The following HIP1 variants were observed in gnomAD, a reference collection of about 807,000 sequenced individuals.
HIP1 encodes the protein huntingtin interacting protein 1.
In HIP1, 65 loss-of-function variants were observed where a neutral mutation model predicts 147.6. The ratio of observed to expected loss-of-function variants is 0.44; its 90% CI spans 0.36 to 0.54. The LOEUF is 0.54. Ranked by LOEUF, HIP1 falls within the 20% of genes least tolerant of loss-of-function variation. The pLI is 0.00. For synonymous variants in HIP1, 479 were observed against 504.0 expected (o/e 0.95, Z 0.67); for missense variants, 1,061 against 1,299.6 (o/e 0.82, Z 2.82).
At chr7:75,691,088 G>A (rs1409923415) in intron 1 of HIP1, among the ~76,000 whole-genome samples, 2 of 152,194 alleles carry the variant, frequency 1.3e-5, no homozygotes, top group African/African-American at 4.8e-5. Flanking sequence ...GCCATTACGG[G>A]AATGGAGTTC....
In HIP1 at chr7:75,537,062, T is replaced by A. The variant is rs1794108316; in HGVS notation, c.*1110A>T. The A allele has an allele frequency of 4.3e-6, 1 of 232,384 alleles. No individual in the cohort carries two copies. The highest frequency in any genetic ancestry group is 2.2e-5 in the African/African-American group (1 of 45,284). The allele number at this position is 232,384 out of a possible 1,614,324, so 14.4% of individuals were successfully genotyped here. ...AGTTGGGAATCACTCCCACACTCCG[T>A]CTCTGGGCCAAGGGAGACGGCCCGC... On this transcript the variant is annotated 3_prime_UTR_variant, in exon 31 of 31. Transcript: ENST00000336926.
chr7:75,548,803 T>C, intron 23 of HIP1, 88 bp downstream of exon 23: 1 of 1,039,622 alleles, frequency 9.6e-7, no homozygotes, highest in African/African-American at 1.6e-5. Context: ...ATGGCCTTAA[T>C]GAACGACTGT....
intron 1 of HIP1, among the ~76,000 whole-genome samples, chr7:75,672,698 T>C (rs902543956): frequency 1.3e-4 from 20 of 152,192 alleles, no homozygotes; most frequent in African/African-American, 4.8e-4. Context: ...AGTTTATTTT[T>C]TCTTTGGTTG....
chr7:75,632,647 C>G (rs971069468), intron 1 of HIP1, among the ~76,000 whole-genome samples: 3 of 151,554 alleles, frequency 2.0e-5, no homozygotes, highest in African/African-American at 7.3e-5. Flanking sequence ...ATCCTCCTGC[C>G]TCAACCTCCC....
chr7:75,664,081 CATAT>C (rs561893690), intron 1 of HIP1, among the ~76,000 whole-genome samples: 3 of 78,472 alleles, frequency 3.8e-5, no homozygotes, highest in Non-Finnish European at 5.7e-5. Flanking sequence ...TATACACACA[CATAT>C]ACACACATAT....
chr7:75,556,750 T>C lies in HIP1; in HGVS notation c.1643A>G (p.Glu548Gly). Residue 548 changes from glutamate (E) to glycine (G), a missense_variant, in exon 17 of 31, where the codon GAG (glutamate) becomes GGG (glycine). This residue lies in a region of HIP1 where 810 missense variants were observed against 946.8 expected (regional missense o/e 0.86). Transcript: ENST00000336926. Reference protein sequence around the residue: ...LKQELATSQRELQVLQGSLET... With the variant: ...LKQELATSQRGLQVLQGSLET... ...CAGGCTGCCTTGCAGAACCTGAAGC[T>C]CCCGTTGGCTTGTGGCAAGTTCCTG... The C allele has an allele frequency of 6.2e-7, 1 of 1,613,530 alleles. No individual in the cohort carries two copies. Among genetic ancestry groups the C allele is most frequent in the Non-Finnish European group, 8.5e-7 (1 of 1,179,644 alleles).
At chr7:75,555,189 G>GGGGGGT (rs1794944597) in intron 19 of HIP1, among the ~76,000 whole-genome samples, 8 of 47,898 alleles carry the variant, frequency 1.7e-4, no homozygotes, top group African/African-American at 6.8e-4. Flanking sequence ...TCAAAAAGCG[G>GGGGGGT]GGGGGCGGGG....
At chr7:75,584,267 A>C (rs1448131796) in intron 5 of HIP1, among the ~76,000 whole-genome samples, 1 of 150,382 alleles carries the variant, frequency 6.6e-6, no homozygotes, top group African/African-American at 2.5e-5. Flanking sequence ...CCTGGCCAAA[A>C]AAAATTTTTT....
chr7:75,721,305 T>G (rs1584978970), intron 1 of HIP1, among the ~76,000 whole-genome samples: 1 of 151,466 alleles, frequency 6.6e-6, no homozygotes, highest in Non-Finnish European at 1.5e-5. Context: ...ACCTGGGAGG[T>G]GCAGGTTGCA....
chr7:75,711,089 A>T lies in HIP1; in HGVS notation c.120+27712T>A, dbSNP rs868916381. On this transcript the variant is annotated intron_variant, in intron 1 of 30. Transcript: ENST00000336926. ...AATATTGTGCTCCCAAAAGTCCAGA[A>T]TTTCCCCCAAAGTATTAATATGTTG... Among the ~76,000 whole-genome samples, 8 of 152,146 alleles carry T rather than the reference A, an allele frequency of 5.3e-5. No individual in the cohort carries two copies. In the South Asian group the frequency reaches 1.7e-3, roughly 31 times the overall value.
chr7:75,543,048 T>C (rs1554490277), intron 27 of HIP1, 74 bp from the exon 28 acceptor site: 1 of 1,491,816 alleles, frequency 6.7e-7, no homozygotes, highest in Non-Finnish European at 9.1e-7. Context: ...ATTGCTCTGA[T>C]GGTTCTTAGC....
At chr7:75,676,174 C>CT (rs1281704084) in intron 1 of HIP1, among the ~76,000 whole-genome samples, 5 of 152,152 alleles carry the variant, frequency 3.3e-5, no homozygotes, top group African/African-American at 4.8e-5. Flanking sequence ...AGTCTGTATT[C>CT]TACATCATGT....
rs781989600 is a variant in HIP1 at position 75,559,892 on chromosome 7, C to T, written c.1215G>A (p.Leu405=). Residue 405 remains leucine, a synonymous_variant, in exon 14 of 31, where the codon CTG becomes CTA. Coordinates refer to ENST00000336926, the MANE Select transcript of HIP1 (RefSeq NM_005338.7). ...KTESQRVVLQ[L]KGHVSELEAD... Reference sequence around the variant, plus strand: ...CTTCCAGCTCGCTGACGTGGCCCTTCAGCTGCAGCACAACCCGCTGGCTCT... The same window carrying T: ...CTTCCAGCTCGCTGACGTGGCCCTTTAGCTGCAGCACAACCCGCTGGCTCT... 9 of 1,607,908 alleles carry T rather than the reference C, an allele frequency of 5.6e-6. No homozygotes were observed. Among genetic ancestry groups the T allele is most frequent in the African/African-American group, 4.0e-5 (3 of 74,836 alleles).
chr7:75,599,655 C>T (rs782112135), intron 1 of HIP1, among the ~76,000 whole-genome samples: 9 of 152,110 alleles, frequency 5.9e-5, no homozygotes, highest in Non-Finnish European at 1.0e-4. Flanking sequence ...CCAGCTGCCC[C>T]TCTCTCCCCT....
intron 1 of HIP1, among the ~76,000 whole-genome samples, chr7:75,730,981 C>T (rs1253605446): frequency 1.3e-5 from 2 of 151,300 alleles, no homozygotes; most frequent in Admixed American, 6.6e-5. Context: ...GTGATCCGCC[C>T]GCCTCAGCCT....
At chr7:75,622,039 T>C (rs189639976) in intron 1 of HIP1, among the ~76,000 whole-genome samples, 57 of 152,166 alleles carry the variant, frequency 3.7e-4, no homozygotes, top group Non-Finnish European at 6.0e-4. Flanking sequence ...ATCCCAGCAC[T>C]TTGGGAGGCC....
At chr7:75,680,719 C>G (rs1395267587) in intron 1 of HIP1, among the ~76,000 whole-genome samples, 1 of 151,110 alleles carries the variant, frequency 6.6e-6, no homozygotes, top group African/African-American at 2.4e-5. Flanking sequence ...AAGCGATTCT[C>G]CTGCCTCAGC....
intron 1 of HIP1, among the ~76,000 whole-genome samples, chr7:75,650,786 A>T (rs187292828): frequency 6.6e-6 from 1 of 152,252 alleles, no homozygotes; most frequent in African/African-American, 2.4e-5. Flanking sequence ...TGAGGGCAGG[A>T]AGTACCAGCT....
chr7:75,696,118 G>A (rs1800625466), intron 1 of HIP1, among the ~76,000 whole-genome samples: 2 of 151,944 alleles, frequency 1.3e-5, no homozygotes. Flanking sequence ...AGCCTCCCGA[G>A]TAGATGGGAC....
Sources: allele counts gnomAD v4.1 joint callset (sites outside exome capture counted in the v4.1 genomes callset), GRCh38; gene constraint gnomAD v4.1.1; regional missense constraint gnomAD v4.1.1; transcripts MANE v1.5; gene names NCBI Gene and HGNC (gene_info 2026-07-23, HGNC 2026-07-21).